RNFT2: variants seen among roughly 807,000 people sequenced by gnomAD.
The protein encoded by RNFT2 is E3 ubiquitin-protein ligase RNFT2.
In RNFT2, 36 loss-of-function variants were observed where a neutral mutation model predicts 53.0. The ratio of observed to expected loss-of-function variants is 0.68; its 90% CI spans 0.52 to 0.90. The LOEUF is 0.90. Ranked by LOEUF, RNFT2 falls within the 40% of genes least tolerant of loss-of-function variation. RNFT2 has a pLI of 0.00. For missense variants in RNFT2, 514 were observed against 585.6 expected (o/e 0.88, Z 1.26); for synonymous variants, 260 against 253.2 (o/e 1.03, Z -0.26).
At chr12:116,817,025 T>A (rs1409278631) in intron 7 of RNFT2, among the ~76,000 whole-genome samples, 1 of 152,200 alleles carries the variant, frequency 6.6e-6, no homozygotes, top group Non-Finnish European at 1.5e-5. Flanking sequence ...TTTTGTTTTG[T>A]TTTTTGAGAT....
chr12:116,757,175 C>T (rs190269526), intron 5 of RNFT2, among the ~76,000 whole-genome samples: 1 of 152,168 alleles, frequency 6.6e-6, no homozygotes, highest in East Asian at 1.9e-4. Flanking sequence ...TGAAATATCT[C>T]CTGTTTCGTT....
chr12:116,802,544 G>A (rs907843484), intron 7 of RNFT2, among the ~76,000 whole-genome samples: 4 of 152,170 alleles, frequency 2.6e-5, no homozygotes, highest in Non-Finnish European at 5.9e-5. Flanking sequence ...ACTGAAGTTA[G>A]TGTAAAGATG....
In RNFT2 at chr12:116,776,916, A is replaced by ATTTTT. The variant is rs10634667; in HGVS notation, c.729-2264_729-2260dup. Among the ~76,000 whole-genome samples the ATTTTT allele has an allele frequency of 1.7e-4, 21 of 125,906 alleles. 1 individual carries two copies. Among genetic ancestry groups the ATTTTT allele is most frequent in the Non-Finnish European group, 2.2e-4 (14 of 62,380 alleles). The allele number at this position is 125,906 out of a possible 152,430, so 82.6% of individuals were successfully genotyped here. A position where few individuals can be genotyped will look rare whatever the true frequency, so the allele number is the denominator to read the frequency against. On this transcript the variant is annotated intron_variant, in intron 6 of 10. Transcript: ENST00000257575. ...CCCAGTGTCCTCAGCTCAAAATGGG[A>ATTTTT]TTTTTTTTTTTTTTTTTTTGAGAAG...
Position 116,852,620 on chromosome 12 carries a change from T to C in RNFT2, c.*3172T>C, listed in dbSNP as rs1190573089. The C allele has an allele frequency of 6.2e-7, 1 of 1,613,832 alleles. No individual in the cohort carries two copies. Among genetic ancestry groups the C allele is most frequent in the Admixed American group, 1.7e-5 (1 of 60,016 alleles). The stretch of plus-strand genomic sequence containing the variant: ...AAGCAACAGGAACTTCTGCAACTGG[T>C]TTTTATCGGAAAGATCATCCTGCCT... On this transcript the variant is annotated 3_prime_UTR_variant, in exon 11 of 11. Coordinates refer to ENST00000257575, the MANE Select transcript of RNFT2 (RefSeq NM_001382266.1).
At chr12:116,829,381 C>T (rs1876516114) in intron 7 of RNFT2, among the ~76,000 whole-genome samples, 2 of 152,124 alleles carry the variant, frequency 1.3e-5, no homozygotes, top group African/African-American at 4.8e-5. Context: ...ACCAGCATTT[C>T]CCTCCAGGGG....
intron 7 of RNFT2, among the ~76,000 whole-genome samples, chr12:116,780,875 T>C (rs1194486605): frequency 6.6e-6 from 1 of 152,102 alleles, no homozygotes; most frequent in African/African-American, 2.4e-5. Flanking sequence ...CCCATGGACT[T>C]TGGCATCAGA....
intron 6 of RNFT2, among the ~76,000 whole-genome samples, chr12:116,772,939 C>T (rs1437784149): frequency 6.6e-6 from 1 of 152,164 alleles, no homozygotes; most frequent in Admixed American, 6.5e-5. Context: ...AGCAATTCTC[C>T]TGCCTCAGCC....
At chr12:116,757,030 T>C (rs1305041807) in intron 5 of RNFT2, among the ~76,000 whole-genome samples, 4 of 152,294 alleles carry the variant, frequency 2.6e-5, no homozygotes, top group East Asian at 1.9e-4. Context: ...TTAGGGTATC[T>C]AGTTCTTTCT....
At chr12:116,788,202 C>T (rs1342152878) in intron 7 of RNFT2, among the ~76,000 whole-genome samples, 1 of 152,248 alleles carries the variant, frequency 6.6e-6, no homozygotes, top group African/African-American at 2.4e-5. Flanking sequence ...GCTGGGATTA[C>T]AGGCGTGAGC....
chr12:116,782,601 C>T (rs11068185), intron 7 of RNFT2, among the ~76,000 whole-genome samples: 13,570 of 151,992 alleles, frequency 0.089, 1,690 homozygotes, highest in African/African-American at 0.28. Flanking sequence ...TTTGGGTGGG[C>T]GCAGCATTCC....
intron 7 of RNFT2, among the ~76,000 whole-genome samples, chr12:116,793,778 T>A (rs1592961984): frequency 6.6e-6 from 1 of 152,218 alleles, no homozygotes; most frequent in Non-Finnish European, 1.5e-5. Context: ...CTAACCACCC[T>A]GCTGAGAGTG....
At chr12:116,762,080 A>AC (rs11436972) in intron 5 of RNFT2, among the ~76,000 whole-genome samples, 3 of 149,718 alleles carry the variant, frequency 2.0e-5, no homozygotes, top group Non-Finnish European at 4.5e-5. Context: ...AAAAAAAAAA[A>AC]CAGAAAAAAA....
chr12:116,844,698 T>C (rs1411301198), intron 10 of RNFT2, among the ~76,000 whole-genome samples: 1 of 152,196 alleles, frequency 6.6e-6, no homozygotes, highest in East Asian at 1.9e-4. Context: ...TGAGAACTAT[T>C]AAATTAGAAG....
intron 7 of RNFT2, among the ~76,000 whole-genome samples, chr12:116,823,676 C>T (rs1876176791): frequency 6.6e-6 from 1 of 152,186 alleles, no homozygotes; most frequent in African/African-American, 2.4e-5. Context: ...CAGCAAGACT[C>T]TGTCTAAAAA....
At chr12:116,793,383 C>T (rs1222508621) in intron 7 of RNFT2, among the ~76,000 whole-genome samples, 1 of 152,048 alleles carries the variant, frequency 6.6e-6, no homozygotes, top group South Asian at 2.1e-4. Context: ...GACAGGGTCT[C>T]ACTGTCTTGC....
chr12:116,849,599 G>T lies in RNFT2; in HGVS notation c.*151G>T. ...GACCCCAAAGTCCCGCCCCTGTCTT[G>T]TCCTTCTGACCTTCATCTTCCTCTC... On this transcript the variant is annotated 3_prime_UTR_variant, in exon 11 of 11. Transcript: ENST00000257575. 1 of 1,407,434 alleles carries T rather than the reference G, an allele frequency of 7.1e-7. No homozygotes were observed. 87.2% of individuals were successfully genotyped at this position (1,407,434 alleles called of 1,614,324 possible). A position where few individuals can be genotyped will look rare whatever the true frequency, so the allele number is the denominator to read the frequency against.
chr12:116,809,603 GTC>G (rs1565866870), intron 7 of RNFT2, among the ~76,000 whole-genome samples: 2 of 152,146 alleles, frequency 1.3e-5, no homozygotes, highest in African/African-American at 4.8e-5. Flanking sequence ...CATCCCGGAG[GTC>G]TCTCTGGTTC....
chr12:116,743,498 G>T (rs1194508267), intron 3 of RNFT2, among the ~76,000 whole-genome samples: 1 of 152,038 alleles, frequency 6.6e-6, no homozygotes, highest in Non-Finnish European at 1.5e-5. Context: ...GAACTCCTGA[G>T]CTTGGGCAGT....
chr12:116,796,657 A>G (rs1383589916), intron 7 of RNFT2, among the ~76,000 whole-genome samples: 1 of 152,178 alleles, frequency 6.6e-6, no homozygotes, highest in Non-Finnish European at 1.5e-5. Flanking sequence ...TTTTGCTCTC[A>G]AAGTGGTTTC....
Sources: allele counts gnomAD v4.1 joint callset (sites outside exome capture counted in the v4.1 genomes callset), GRCh38; gene constraint gnomAD v4.1.1; transcripts MANE v1.5; gene names NCBI Gene and HGNC (gene_info 2026-07-23, HGNC 2026-07-21).